The following MAGI2 variants were observed in gnomAD, a reference collection of about 807,000 sequenced individuals.
The protein encoded by MAGI2 is membrane-associated guanylate kinase, WW and PDZ domain-containing protein 2.
MAGI2 carries 35 observed loss-of-function variants against 133.3 expected under a neutral mutation model. The observed-to-expected ratio is 0.26, with a 90% CI of 0.20 to 0.35. The LOEUF (loss-of-function observed/expected upper bound fraction) is 0.35. Ranked by LOEUF, MAGI2 falls within the 10% of genes least tolerant of loss-of-function variation. MAGI2 has a pLI of 1.00. For synonymous variants in MAGI2, 729 were observed against 710.6 expected (o/e 1.03, Z -0.41); for missense variants, 1,636 against 1,863.4 (o/e 0.88, Z 2.25).
intron 21 of MAGI2, among the ~76,000 whole-genome samples, chr7:78,042,263 T>TAC (rs1341464772): frequency 6.6e-6 from 1 of 152,242 alleles, no homozygotes; most frequent in Non-Finnish European, 1.5e-5. Context: ...TGGCTAAGCT[T>TAC]ACATGCTTTG....
At chr7:79,304,734 T>A (rs1585500789) in intron 1 of MAGI2, among the ~76,000 whole-genome samples, 2 of 152,170 alleles carry the variant, frequency 1.3e-5, no homozygotes, top group East Asian at 3.9e-4. Flanking sequence ...CAGGTCTAAT[T>A]CCCTCTCAGC....
intron 2 of MAGI2, among the ~76,000 whole-genome samples, chr7:78,809,774 C>G (rs754715710): frequency 6.6e-6 from 1 of 152,026 alleles, no homozygotes; most frequent in African/African-American, 2.4e-5. Context: ...AAAGTAACAA[C>G]AATTTCCAGA....
intron 1 of MAGI2, among the ~76,000 whole-genome samples, chr7:79,396,554 T>C (rs1845070376): frequency 6.6e-6 from 1 of 152,182 alleles, no homozygotes; most frequent in South Asian, 2.1e-4. Flanking sequence ...AACAAGAGGC[T>C]CTGAACCATT....
At chr7:79,025,714 G>C (rs1055042127) in intron 1 of MAGI2, among the ~76,000 whole-genome samples, 17 of 152,112 alleles carry the variant, frequency 1.1e-4, no homozygotes, top group African/African-American at 4.1e-4. Context: ...ACCACTGAAA[G>C]ACAAGGTCCT....
intron 3 of MAGI2, among the ~76,000 whole-genome samples, chr7:78,569,472 G>C (rs1041415717): frequency 6.6e-6 from 1 of 152,010 alleles, no homozygotes; most frequent in Non-Finnish European, 1.5e-5. Context: ...CAAAATGCAC[G>C]TTATATATCT....
chr7:79,123,555 G>A (rs917199368), intron 1 of MAGI2, among the ~76,000 whole-genome samples: 1 of 152,042 alleles, frequency 6.6e-6, no homozygotes, highest in Non-Finnish European at 1.5e-5. Flanking sequence ...GGAGGCTGAG[G>A]CAGGTGGATC....
At chr7:79,303,868 C>T (rs1283996053) in intron 1 of MAGI2, among the ~76,000 whole-genome samples, 1 of 152,070 alleles carries the variant, frequency 6.6e-6, no homozygotes, top group African/African-American at 2.4e-5. Context: ...CTTTGAAACA[C>T]GTGGTTAATG....
chr7:78,911,684 T>A (rs1019752739), intron 2 of MAGI2, among the ~76,000 whole-genome samples: 13 of 151,758 alleles, frequency 8.6e-5, no homozygotes, highest in Middle Eastern at 3.4e-3. Context: ...ATATATATAT[T>A]TTGTTATAAT....
At chr7:78,030,035 C>A (rs555072205) in intron 21 of MAGI2, among the ~76,000 whole-genome samples, 1 of 152,144 alleles carries the variant, frequency 6.6e-6, no homozygotes, top group Non-Finnish European at 1.5e-5. Flanking sequence ...GGAAGCAAGT[C>A]AGCAACTTGT....
At chr7:78,676,295 G>A (rs1279251096) in intron 2 of MAGI2, among the ~76,000 whole-genome samples, 2 of 152,056 alleles carry the variant, frequency 1.3e-5, no homozygotes, top group African/African-American at 2.4e-5. Flanking sequence ...TATAAAAGGA[G>A]GATAAGAAAA....
At chr7:78,999,937 G>A (rs1398469162) in intron 2 of MAGI2, among the ~76,000 whole-genome samples, 2 of 152,144 alleles carry the variant, frequency 1.3e-5, no homozygotes, top group African/African-American at 2.4e-5. Context: ...TCATTCTGAA[G>A]TAATCACAAA....
At chr7:79,254,115 G>A (rs541749038) in intron 1 of MAGI2, among the ~76,000 whole-genome samples, 2 of 106,172 alleles carry the variant, frequency 1.9e-5, no homozygotes, top group African/African-American at 7.6e-5. Context: ...ATATCTTGGT[G>A]TTATGTTATG....
intron 1 of MAGI2, among the ~76,000 whole-genome samples, chr7:79,171,284 CTTCACAGGGTA>C (rs917823361): frequency 2.0e-5 from 3 of 152,064 alleles, no homozygotes; most frequent in African/African-American, 7.2e-5. Context: ...TAACTTCAGT[CTTCACAGGGTA>C]TTCTCCCCCT....
intron 1 of MAGI2, among the ~76,000 whole-genome samples, chr7:79,182,389 T>C (rs940651542): frequency 2.6e-5 from 4 of 151,930 alleles, no homozygotes; most frequent in African/African-American, 9.7e-5. Flanking sequence ...AAACTTCCCT[T>C]TTTAAAACCA....
At chr7:78,458,704 G>A (rs1381476438) in intron 6 of MAGI2, among the ~76,000 whole-genome samples, 3 of 150,442 alleles carry the variant, frequency 2.0e-5, no homozygotes, top group African/African-American at 7.4e-5. Context: ...GCACGATCTC[G>A]GCTCAGTGCA....
intron 15 of MAGI2, among the ~76,000 whole-genome samples, chr7:78,162,221 A>G (rs1825094154): frequency 6.6e-6 from 1 of 152,134 alleles, no homozygotes; most frequent in African/African-American, 2.4e-5. Flanking sequence ...GAGAGCTGTG[A>G]TTGTCAGTAA....
chr7:78,924,590 A>G (rs538622149), intron 2 of MAGI2, among the ~76,000 whole-genome samples: 26 of 152,014 alleles, frequency 1.7e-4, no homozygotes, highest in Admixed American at 1.7e-3. Flanking sequence ...TGCTGGATTC[A>G]GTTTGTCAGT....
intron 3 of MAGI2, among the ~76,000 whole-genome samples, chr7:78,527,060 T>G (rs1797038163): frequency 6.9e-6 from 1 of 144,332 alleles, no homozygotes; most frequent in Non-Finnish European, 1.6e-5. Flanking sequence ...AAAGAAAACT[T>G]TTCCAAAAAT....
rs572973624 is a variant in MAGI2, at chr7:78,317,821, C to A, written c.1408+25957G>T. Among the ~76,000 whole-genome samples the A allele has an allele frequency of 7.9e-5, 12 of 152,298 alleles. No individual in the cohort carries two copies. The South Asian group carries it at 1.9e-3, about 24-fold the overall frequency. On this transcript the variant is annotated intron_variant, in intron 9 of 21. Transcript: ENST00000354212. Reference sequence around the variant, plus strand: ...GGCAGCAATCTTCGCTGTTCTGTAGCCTCTGCTGGTGATACCCAGGCAAAC... The same window carrying A: ...GGCAGCAATCTTCGCTGTTCTGTAGACTCTGCTGGTGATACCCAGGCAAAC...
Sources: allele counts gnomAD v4.1 joint callset (sites outside exome capture counted in the v4.1 genomes callset), GRCh38; gene constraint gnomAD v4.1.1; transcripts MANE v1.5; gene names NCBI Gene and HGNC (gene_info 2026-07-23, HGNC 2026-07-21).